IFT88: variants seen among roughly 807,000 people sequenced by gnomAD.
The protein encoded by IFT88 is intraflagellar transport protein 88 homolog.
In IFT88, 74 loss-of-function variants were observed where a neutral mutation model predicts 119.5. That is an observed-to-expected ratio of 0.62 (90% CI 0.51 to 0.75). IFT88 has a LOEUF of 0.75. Among genes scored for constraint, IFT88 ranks in the 30% least tolerant of loss-of-function variants. The probability of loss-of-function intolerance (pLI) is 0.00; values close to 1 mark genes in which losing one functional copy is unlikely to be tolerated. For synonymous variants in IFT88, 279 were observed against 316.7 expected, an observed-to-expected ratio of 0.88 and a Z score of 1.26; for missense variants, 961 against 977.7, an observed-to-expected ratio of 0.98 and a Z score of 0.23.
chr13:20,598,709 A>C lies in IFT88; in HGVS notation c.653A>C (p.Asn218Thr). ...SVNEMYAEAL[N>T]TYQVIVKNKM... ...AATGAAATGTATGCCGAAGCACTTA[A>C]CACTTATCAAGTTATAGTCAAAAAT... The change falls in exon 10 of 26, where the codon AAC (asparagine) becomes ACC (threonine). Residue 218 changes from asparagine to threonine, a missense_variant. Asn to Thr is a moderately conservative substitution (Grantham distance 65). Transcript: ENST00000351808. 1 of 1,611,172 alleles carries C rather than the reference A, an allele frequency of 6.2e-7. No individual in the cohort carries two copies. The highest frequency in any genetic ancestry group is 1.3e-5 in the African/African-American group (1 of 74,990).
chr13:20,601,396 A>C (rs1226760786), intron 11 of IFT88, among the ~76,000 whole-genome samples: 2 of 151,432 alleles, frequency 1.3e-5, no homozygotes, highest in African/African-American at 4.9e-5. Context: ...ATGGTTACCT[A>C]GGGCTGGGAA....
At chr13:20,594,468 T>G (rs1396037572) in intron 7 of IFT88, among the ~76,000 whole-genome samples, 1 of 152,158 alleles carries the variant, frequency 6.6e-6, no homozygotes, top group Non-Finnish European at 1.5e-5. Flanking sequence ...AGATTCTGCA[T>G]GCAAAGAAGA....
At chr13:20,591,539 T>C (rs1437764249) in intron 5 of IFT88, 79 bp from the exon 6 acceptor site, 1 of 1,030,394 alleles carries the variant, frequency 9.7e-7, no homozygotes, top group Non-Finnish European at 1.5e-6. Flanking sequence ...AGGGCTATAT[T>C]AAGGTGTGTG....
chr13:20,644,971 T>A lies in IFT88; in HGVS notation c.1949+13T>A. The A allele has an allele frequency of 8.2e-7, 1 of 1,222,172 alleles. No individual in the cohort carries two copies. 75.7% of individuals were successfully genotyped at this position (1,222,172 alleles called of 1,614,324 possible). On this transcript the variant is annotated intron_variant, in intron 20 of 25. Transcript: ENST00000351808. ...CTTCTCTTATACAGTAAGTAATCAT[T>A]AGGATTTTATGTTTAGTTAATGTCA...
intron 1 of IFT88, chr13:20,567,891 C>A: frequency 3.2e-6 from 2 of 623,590 alleles, no homozygotes; most frequent in Admixed American, 3.0e-5. Context: ...CGAGAAACTG[C>A]AGTAGGCTTC....
chr13:20,677,523 A>C (rs1378775000), intron 24 of IFT88, among the ~76,000 whole-genome samples: 1 of 152,198 alleles, frequency 6.6e-6, no homozygotes, highest in African/African-American at 2.4e-5. Context: ...GACAGGAGCA[A>C]AGGAAGATCA....
chr13:20,567,204 C>A lies in IFT88; in HGVS notation c.-59C>A, dbSNP rs1044491961. The A allele has an allele frequency of 6.6e-6, 1 of 152,326 alleles. No homozygotes were observed. The highest frequency in any genetic ancestry group is 1.5e-5 in the Non-Finnish European group (1 of 68,142). 9.4% of individuals were successfully genotyped at this position (152,326 alleles called of 1,614,324 possible). On this transcript the variant is annotated 5_prime_UTR_variant, in exon 1 of 26. Transcript: ENST00000351808. ...GGCTCGGCGTCGCGCTTTGGCCAAC[C>A]GCTGCGTCGTCCCTGGGCCCGAATA...
At position 20,643,436 on chromosome 13, in the gene IFT88, T is replaced by G. The variant is rs1231048396; in HGVS notation, c.1683-19T>G. ...AATGAATTTAGAAAACATGTTTTCC[T>G]TAACTGACATTGCATAAGATATGAA... is the stretch of plus-strand genomic sequence containing the variant. On this transcript the variant is annotated intron_variant, in intron 18 of 25. Coordinates refer to ENST00000351808, the MANE Select transcript of IFT88 (RefSeq NM_006531.5). The G allele has an allele frequency of 1.9e-6, 3 of 1,570,364 alleles. No individual in the cohort carries two copies. The highest frequency in any genetic ancestry group is 2.6e-6 in the Non-Finnish European group (3 of 1,162,154).
chr13:20,601,795 G>C lies in IFT88; in HGVS notation c.903G>C (p.Met301Ile). Residue 301 changes from methionine to isoleucine, a missense_variant, in exon 12 of 26, where the codon ATG (methionine) becomes ATC (isoleucine). Met to Ile is a conservative substitution (Grantham distance 10, BLOSUM62 1). Coordinates refer to ENST00000351808, the MANE Select transcript of IFT88 (RefSeq NM_006531.5). ...ATTCATATGAGCACATAATGAGCAT[G>C]GCACCAAATCTGAAGGCAGGCTACA... ...AINSYEHIMS[M>I]APNLKAGYNL... The C allele has an allele frequency of 6.2e-7, 1 of 1,613,554 alleles. No individual in the cohort carries two copies. Among genetic ancestry groups the C allele is most frequent in the Non-Finnish European group, 8.5e-7 (1 of 1,179,520 alleles).
chr13:20,638,447 A>T lies in IFT88; in HGVS notation c.1502A>T (p.Glu501Val), dbSNP rs1229614809. 2.0e-6 allele frequency: 3 copies of T among 1,535,410 alleles called. No homozygotes were observed. The highest frequency in any genetic ancestry group is 2.6e-6 in the Non-Finnish European group (3 of 1,147,254). The change falls in exon 17 of 26, where the codon GAG (glutamate) becomes GTG (valine). Residue 501 changes from glutamate to valine, a missense_variant. Transcript: ENST00000351808. ...GNTVFANGDYEKAAEFYKEAL... is the reference protein window; with the variant it reads ...GNTVFANGDYVKAAEFYKEAL... ...ACAGTTTTTGCAAATGGTGATTATG[A>T]GAAGGCCGCTGAATTCTATAAAGAG...
chr13:20,676,859 C>T (rs1211275867), intron 24 of IFT88, among the ~76,000 whole-genome samples: 1 of 152,162 alleles, frequency 6.6e-6, no homozygotes, highest in Non-Finnish European at 1.5e-5. Context: ...TATATGCATA[C>T]ACACATATAT....
intron 15 of IFT88, among the ~76,000 whole-genome samples, chr13:20,626,787 G>C (rs1037613917): frequency 3.9e-5 from 6 of 152,172 alleles, no homozygotes; most frequent in Non-Finnish European, 8.8e-5. Context: ...GATAACCAAA[G>C]AGAGTAAACA....
chr13:20,567,437 C>T (rs1000670175), intron 1 of IFT88, among the ~76,000 whole-genome samples, 181 bp downstream of exon 1: 1 of 152,358 alleles, frequency 6.6e-6, no homozygotes, highest in Non-Finnish European at 1.5e-5. Context: ...TTTTCTTCCT[C>T]AGGCTCCCGA....
intron 23 of IFT88, among the ~76,000 whole-genome samples, chr13:20,667,790 G>C (rs2055000387): frequency 1.3e-5 from 2 of 151,860 alleles, no homozygotes. Context: ...CCCCCAAGCT[G>C]TATAAGCTTC....
intron 24 of IFT88, among the ~76,000 whole-genome samples, chr13:20,681,566 G>C (rs2057324340): frequency 6.6e-6 from 1 of 152,254 alleles, no homozygotes; most frequent in African/African-American, 2.4e-5. Flanking sequence ...TATTTCAGTA[G>C]CAGCTAGGCA....
intron 17 of IFT88, among the ~76,000 whole-genome samples, chr13:20,639,111 C>T (rs191532730): frequency 6.6e-6 from 1 of 152,320 alleles, no homozygotes; most frequent in Admixed American, 6.5e-5. Flanking sequence ...GTATTGCAAA[C>T]ACATGTCCAT....
At chr13:20,567,888 C>A (rs2035239393) in intron 1 of IFT88, 5 of 598,102 alleles carry the variant, frequency 8.4e-6, no homozygotes, top group East Asian at 3.1e-5. Context: ...TTTCGAGAAA[C>A]TGCAGTAGGC....
chr13:20,574,968 G>A (rs1260081064), intron 2 of IFT88, among the ~76,000 whole-genome samples: 1 of 151,834 alleles, frequency 6.6e-6, no homozygotes, highest in Admixed American at 6.6e-5. Context: ...CAAACAATCC[G>A]ATTATATTCT....
intron 24 of IFT88, among the ~76,000 whole-genome samples, chr13:20,674,730 T>A (rs1381997815): frequency 1.1e-4 from 13 of 121,490 alleles, no homozygotes; most frequent in South Asian, 2.7e-4. Context: ...ATATATTTTT[T>A]TTTTTTTTTT....
Sources: gnomAD v4.1 joint callset for allele counts (sites outside exome capture counted in the v4.1 genomes callset) on GRCh38, gnomAD v4.1.1 for gene constraint, MANE v1.5 for transcripts, NCBI Gene and HGNC (gene_info 2026-07-23, HGNC 2026-07-21) for gene names.